The following VRK2 variants were observed in gnomAD, a reference collection of about 807,000 sequenced individuals.
VRK2 encodes the protein serine/threonine-protein kinase VRK2.
Under a neutral mutation model 57.6 loss-of-function variants are expected in VRK2, and 60 were observed. That is an observed-to-expected ratio of 1.04 (90% CI 0.85 to 1.29). VRK2 has a LOEUF of 1.29. VRK2 is among the 50% of genes most tolerant of loss of function. VRK2 has a pLI of 0.00. For synonymous variants in VRK2, 231 were observed against 199.2 expected, an observed-to-expected ratio of 1.16 and a Z score of -1.35; for missense variants, 705 against 588.1, an observed-to-expected ratio of 1.20 and a Z score of -2.06.
chr2:57,917,514 T>C (rs1670197099), intron 1 of VRK2, among the ~76,000 whole-genome samples: 1 of 150,012 alleles, frequency 6.7e-6, no homozygotes. Flanking sequence ...ATTGTATATG[T>C]GTATTTTATT....
chr2:58,091,454 A>G (rs776154869), intron 7 of VRK2, among the ~76,000 whole-genome samples: 45 of 152,180 alleles, frequency 3.0e-4, no homozygotes, highest in Non-Finnish European at 5.9e-4. Flanking sequence ...ATTAATATTG[A>G]CAAACTGAAT....
At chr2:58,101,593 T>C in intron 7 of VRK2, among the ~76,000 whole-genome samples, 1 of 151,674 alleles carries the variant, frequency 6.6e-6, no homozygotes, top group South Asian at 2.1e-4. Flanking sequence ...TTTTTGTGAC[T>C]TTTTTTAGTG....
rs141079750 is a variant in VRK2 at position 58,135,644 on chromosome 2, C to A, written c.856+445C>A. Among the ~76,000 whole-genome samples the A allele has an allele frequency of 4.3e-4, 65 of 151,884 alleles. 1 individual carries two copies. Among genetic ancestry groups the A allele is most frequent in the African/African-American group, 1.6e-3 (65 of 41,440 alleles). On this transcript the variant is annotated intron_variant, in intron 10 of 12. Coordinates refer to ENST00000340157, the MANE Select transcript of VRK2 (RefSeq NM_006296.7). ...CAGTAAACACTGAATGCTGTTTAGACCAGAATTATGCTGACTGAACTGCCA... is the reference window on the plus strand; with the variant it reads ...CAGTAAACACTGAATGCTGTTTAGAACAGAATTATGCTGACTGAACTGCCA...
At chr2:58,048,158 TTGG>T (rs1349382843) in intron 1 of VRK2, among the ~76,000 whole-genome samples, 1 of 152,232 alleles carries the variant, frequency 6.6e-6, no homozygotes, top group Non-Finnish European at 1.5e-5. Context: ...GCTTTTGTTG[TTGG>T]TGGCACAGTT....
At chr2:58,079,494 A>G in intron 2 of VRK2, among the ~76,000 whole-genome samples, 1 of 151,982 alleles carries the variant, frequency 6.6e-6, no homozygotes, top group South Asian at 2.1e-4. Context: ...TTTCTTCTAC[A>G]TATCTTAATT....
chr2:57,951,218 C>T (rs1034269352), intron 1 of VRK2, among the ~76,000 whole-genome samples: 1 of 152,116 alleles, frequency 6.6e-6, no homozygotes, highest in Non-Finnish European at 1.5e-5. Flanking sequence ...GTGGTTAAGA[C>T]TTCAGTGGAG....
At chr2:57,943,925 A>G (rs1671175242) in intron 1 of VRK2, among the ~76,000 whole-genome samples, 1 of 152,236 alleles carries the variant, frequency 6.6e-6, no homozygotes, top group Non-Finnish European at 1.5e-5. Context: ...CTGCCATTGT[A>G]GCAAAACAGC....
chr2:57,935,259 A>G (rs1227713790), intron 1 of VRK2, among the ~76,000 whole-genome samples: 1 of 152,032 alleles, frequency 6.6e-6, no homozygotes, highest in Non-Finnish European at 1.5e-5. Flanking sequence ...CCAGCTAAAG[A>G]TTCTTAAACT....
intron 4 of VRK2, among the ~76,000 whole-genome samples, chr2:58,085,172 C>G (rs1263141358): frequency 6.6e-6 from 1 of 151,800 alleles, no homozygotes; most frequent in Non-Finnish European, 1.5e-5. Flanking sequence ...AAAGTTGTTT[C>G]TACTACTTTA....
At chr2:58,100,471 G>T (rs912333864) in intron 7 of VRK2, among the ~76,000 whole-genome samples, 6 of 151,720 alleles carry the variant, frequency 4.0e-5, no homozygotes, top group African/African-American at 1.5e-4. Flanking sequence ...AGTGGATAGG[G>T]TTTATGTGGA....
chr2:57,961,051 G>A (rs189582474), intron 1 of VRK2, among the ~76,000 whole-genome samples: 58 of 152,254 alleles, frequency 3.8e-4, no homozygotes, highest in South Asian at 2.1e-3. Flanking sequence ...ACACAAGGAC[G>A]TCATCAAAGA....
chr2:58,134,994 C>T (rs1317383672), intron 9 of VRK2, 147 bp from the exon 10 acceptor site: 2 of 732,390 alleles, frequency 2.7e-6, no homozygotes, highest in East Asian at 2.6e-5. Context: ...GCTTACTTTC[C>T]TATCCATTAT....
rs74892103 is a variant in VRK2 at position 58,038,878 on chromosome 2, G to C, written c.-6+5325G>C. The stretch of plus-strand genomic sequence containing the variant: ...AACCTCAGCCACTACTACAGGTGCT[G>C]ATGAAATAAGACTGATCAACATTCT... On this transcript the variant is annotated intron_variant, in intron 3 of 15. Transcript: ENST00000417641. 6.8e-3 allele frequency among the ~76,000 whole-genome samples: 1,029 copies of C among 152,210 alleles called. 2 individuals are homozygous for C. The highest frequency in any genetic ancestry group is 0.011 in the Non-Finnish European group (742 of 67,998).
intron 7 of VRK2, among the ~76,000 whole-genome samples, chr2:58,094,834 T>TTA (rs1473960207): frequency 6.6e-6 from 1 of 152,218 alleles, no homozygotes; most frequent in Non-Finnish European, 1.5e-5. Context: ...CTGATTTGTC[T>TTA]ATTTATATAA....
intron 12 of VRK2, among the ~76,000 whole-genome samples, chr2:58,150,502 G>GC (rs1682837099): frequency 1.4e-5 from 2 of 143,820 alleles, no homozygotes; most frequent in South Asian, 4.3e-4. Flanking sequence ...TAGTAGTCTA[G>GC]CTAAGGGCTT....
At chr2:58,128,019 C>G (rs1235720697) in intron 8 of VRK2, among the ~76,000 whole-genome samples, 1 of 152,026 alleles carries the variant, frequency 6.6e-6, no homozygotes, top group Non-Finnish European at 1.5e-5. Context: ...ATCTGTTGTT[C>G]TTATACCAGT....
At chr2:58,143,976 T>C (rs1012574886) in intron 11 of VRK2, among the ~76,000 whole-genome samples, 1 of 151,488 alleles carries the variant, frequency 6.6e-6, no homozygotes, top group African/African-American at 2.4e-5. Context: ...TATATATGTA[T>C]ATATGCACAC....
chr2:57,968,861 C>T (rs1672004825), intron 1 of VRK2, among the ~76,000 whole-genome samples: 1 of 152,032 alleles, frequency 6.6e-6, no homozygotes, highest in African/African-American at 2.4e-5. Flanking sequence ...CAAATTGACT[C>T]CATAGTCAAA....
intron 7 of VRK2, among the ~76,000 whole-genome samples, chr2:58,093,274 C>T (rs1220285101): frequency 6.6e-6 from 1 of 152,134 alleles, no homozygotes; most frequent in Non-Finnish European, 1.5e-5. Flanking sequence ...GTTTACAGTC[C>T]CACCAACAGT....
Sources: allele counts gnomAD v4.1 joint callset (sites outside exome capture counted in the v4.1 genomes callset), GRCh38; gene constraint gnomAD v4.1.1; transcripts MANE v1.5; gene names NCBI Gene and HGNC (gene_info 2026-07-23, HGNC 2026-07-21).